Variants in GALK2 observed in about 807,000 individuals in gnomAD.
The protein encoded by GALK2 is N-acetylgalactosamine kinase.
Under a neutral mutation model 52.4 loss-of-function variants are expected in GALK2, and 36 were observed. The ratio of observed to expected loss-of-function variants is 0.69; its 90% CI spans 0.53 to 0.91. GALK2 has a LOEUF of 0.91. GALK2 is among the 40% of genes least tolerant of loss of function. The pLI is 0.00. For synonymous variants in GALK2, 176 were observed against 199.1 expected, an observed-to-expected ratio of 0.88 and a Z score of 0.98; for missense variants, 579 against 559.1, an observed-to-expected ratio of 1.04 and a Z score of -0.36.
intron 5 of GALK2, among the ~76,000 whole-genome samples, chr15:49,274,417 T>C (rs547574107): frequency 6.6e-6 from 1 of 152,330 alleles, no homozygotes; most frequent in Admixed American, 6.5e-5. Flanking sequence ...CATACAGTTA[T>C]ATTGGGCATT....
intron 2 of GALK2, among the ~76,000 whole-genome samples, chr15:49,210,675 A>T (rs1055638199): frequency 6.6e-6 from 1 of 152,042 alleles, no homozygotes; most frequent in Admixed American, 6.6e-5. Flanking sequence ...TCCTGACCTC[A>T]GGTGATCCAC....
At position 49,328,187 on chromosome 15, in the gene GALK2, A is replaced by C. The variant is rs768167821; in HGVS notation, c.*28A>C. Reference sequence around the variant, plus strand: ...AAATGTAAAAAGTCTGAGAGAAACTACTTAGGGCACTTAGGAATTGGCAGG... The same window carrying C: ...AAATGTAAAAAGTCTGAGAGAAACTCCTTAGGGCACTTAGGAATTGGCAGG... On this transcript the variant is annotated 3_prime_UTR_variant, in exon 10 of 10. Coordinates refer to ENST00000560031, the MANE Select transcript of GALK2 (RefSeq NM_002044.4). The C allele has an allele frequency of 1.3e-6, 2 of 1,582,634 alleles. No individual in the cohort carries two copies. The highest frequency in any genetic ancestry group is 1.7e-6 in the Non-Finnish European group (2 of 1,162,440).
chr15:49,315,269 T>C (rs991705998), intron 8 of GALK2, among the ~76,000 whole-genome samples: 1 of 152,202 alleles, frequency 6.6e-6, no homozygotes, highest in African/African-American at 2.4e-5. Context: ...TATTCTTAAA[T>C]TGAATTTGCC....
chr15:49,237,663 G>C (rs1354554738), intron 4 of GALK2, among the ~76,000 whole-genome samples: 1 of 151,882 alleles, frequency 6.6e-6, no homozygotes, highest in Non-Finnish European at 1.5e-5. Context: ...TTTTAGTAGA[G>C]ACGGGGTTTC....
chr15:49,179,353 T>C (rs891223173), intron 1 of GALK2, among the ~76,000 whole-genome samples: 1 of 152,196 alleles, frequency 6.6e-6, no homozygotes, highest in Non-Finnish European at 1.5e-5. Context: ...ATTCATGTTA[T>C]AACCAATTGT....
chr15:49,292,085 TGC>T (rs1247743653), intron 7 of GALK2, among the ~76,000 whole-genome samples: 1 of 152,056 alleles, frequency 6.6e-6, no homozygotes, highest in Non-Finnish European at 1.5e-5. Context: ...TGTGTGTGTT[TGC>T]GTGTGTGTGT....
At chr15:49,304,410 GTT>G (rs1284034826) in intron 8 of GALK2, among the ~76,000 whole-genome samples, 5 of 152,300 alleles carry the variant, frequency 3.3e-5, no homozygotes, top group African/African-American at 1.2e-4. Flanking sequence ...CAGCAAAAGA[GTT>G]TGTTCATCTA....
intron 8 of GALK2, among the ~76,000 whole-genome samples, chr15:49,310,497 G>A (rs1055360166): frequency 5.3e-5 from 8 of 151,740 alleles, no homozygotes; most frequent in East Asian, 3.9e-4. Flanking sequence ...ATTTACATTC[G>A]CACCAACAGT....
intron 4 of GALK2, among the ~76,000 whole-genome samples, chr15:49,236,464 A>G (rs1282110558): frequency 6.6e-6 from 1 of 152,168 alleles, no homozygotes; most frequent in East Asian, 1.9e-4. Flanking sequence ...TGTTATTGCT[A>G]CTTCAGATGG....
In GALK2 at chr15:49,165,235, A is replaced by G. The variant is rs1187429152; in HGVS notation, c.20+9219A>G. ...AAATAATGTAATTTCAGATGGCCTTAAAGACAGCAAACCAGATTTAGGTGA... is the reference window on the plus strand; with the variant it reads ...AAATAATGTAATTTCAGATGGCCTTGAAGACAGCAAACCAGATTTAGGTGA... On this transcript the variant is annotated intron_variant, in intron 1 of 9. Coordinates refer to the GALK2 transcript ENST00000327171. 2.6e-5 allele frequency among the ~76,000 whole-genome samples: 4 copies of G among 152,190 alleles called. No individual in the cohort carries two copies. The East Asian group carries it at 7.7e-4, about 29-fold the overall frequency.
intron 2 of GALK2, among the ~76,000 whole-genome samples, chr15:49,207,674 A>G (rs1169719192): frequency 2.0e-5 from 3 of 151,992 alleles, no homozygotes; most frequent in Admixed American, 6.6e-5. Context: ...GATCTTTTGT[A>G]TTTCAGTGGT....
chr15:49,174,280 T>C (rs1445386200), intron 1 of GALK2, among the ~76,000 whole-genome samples: 1 of 152,196 alleles, frequency 6.6e-6, no homozygotes, highest in African/African-American at 2.4e-5. Flanking sequence ...TTTAAAATGT[T>C]GATAGCTCCT....
At chr15:49,192,753 T>C (rs2086865540) in intron 1 of GALK2, among the ~76,000 whole-genome samples, 2 of 151,474 alleles carry the variant, frequency 1.3e-5, no homozygotes, top group South Asian at 4.1e-4. Context: ...CTCAGTGTAG[T>C]TTTAATTTGT....
chr15:49,342,964 C>G (rs1305867187), intron 3 of GALK2, among the ~76,000 whole-genome samples: 3 of 152,110 alleles, frequency 2.0e-5, no homozygotes, highest in Non-Finnish European at 2.9e-5. Context: ...TTCTTTAGCA[C>G]TGACCTTGGA....
intron 1 of GALK2, among the ~76,000 whole-genome samples, chr15:49,179,949 T>C (rs528171066): frequency 6.6e-6 from 1 of 152,260 alleles, no homozygotes; most frequent in Non-Finnish European, 1.5e-5. Context: ...AAAAACACTG[T>C]ACACTTCAGT....
intron 8 of GALK2, among the ~76,000 whole-genome samples, chr15:49,293,682 G>A (rs1007582342): frequency 6.6e-6 from 1 of 152,178 alleles, no homozygotes; most frequent in East Asian, 1.9e-4. Context: ...TAACAGGAAT[G>A]CCTCTAAGAA....
chr15:49,251,993 C>T (rs756772016), intron 5 of GALK2, among the ~76,000 whole-genome samples: 49 of 152,092 alleles, frequency 3.2e-4, no homozygotes, highest in Admixed American at 5.2e-4. Context: ...TGGCCCGGTG[C>T]GGTGCCTCAT....
chr15:49,212,735 T>G (rs1367422096), intron 2 of GALK2, among the ~76,000 whole-genome samples: 1 of 152,176 alleles, frequency 6.6e-6, no homozygotes, highest in South Asian at 2.1e-4. Context: ...ATTTAAAAAT[T>G]TCTTAATTTT....
intron 1 of GALK2, among the ~76,000 whole-genome samples, chr15:49,164,650 G>T (rs368412171): frequency 6.6e-6 from 1 of 151,512 alleles, no homozygotes; most frequent in Non-Finnish European, 1.5e-5. Context: ...GCGTGGTGGC[G>T]CATGCCTGTA....
Sources: allele counts gnomAD v4.1 joint callset (sites outside exome capture counted in the v4.1 genomes callset), GRCh38; gene constraint gnomAD v4.1.1; transcripts MANE v1.5; gene names NCBI Gene and HGNC (gene_info 2026-07-23, HGNC 2026-07-21).